The following PDIA6 variants were observed in gnomAD, a reference collection of about 807,000 sequenced individuals.
The protein encoded by PDIA6 is protein disulfide isomerase family A member 6, also known as protein disulfide-isomerase A6.
In PDIA6, 29 loss-of-function variants were observed where a neutral mutation model predicts 58.4. The ratio of observed to expected loss-of-function variants is 0.50; its 90% confidence interval spans 0.37 to 0.68. PDIA6 has a LOEUF of 0.68. Ranked by LOEUF, PDIA6 falls within the 30% of genes least tolerant of loss-of-function variation. PDIA6 has a pLI of 0.00. For missense variants in PDIA6, 480 were observed against 551.0 expected, an observed-to-expected ratio of 0.87 and a Z score of 1.29; for synonymous variants, 192 against 202.6, an observed-to-expected ratio of 0.95 and a Z score of 0.44.
rs933962520 is a variant in PDIA6 at position 10,789,798 on chromosome 2, C to T, written c.791G>A (p.Arg264Gln). The T allele has an allele frequency of 1.2e-5, 19 of 1,613,656 alleles. No homozygotes were observed. The highest frequency in any genetic ancestry group is 5.0e-5 in the Admixed American group (3 of 59,956). ...GTTATCAGAAAACAAATCAAGGGCC[C>T]GGGACACGATGTCGGATCTTGTCCG... is the stretch of plus-strand genomic sequence containing the variant. ...GGRTRSDIVS[R>Q]ALDLFSDNAP... The change falls in exon 8 of 13, where the codon CGG (arginine) becomes CAG (glutamine). Residue 264 changes from arginine to glutamine, a missense_variant. Coordinates refer to ENST00000272227, the MANE Select transcript of PDIA6 (RefSeq NM_005742.4).
intron 1 of PDIA6, 41 bp downstream of exon 1, chr2:10,812,637 G>A (rs769238761): frequency 7.3e-6 from 11 of 1,503,068 alleles, no homozygotes; most frequent in East Asian, 2.9e-5. Flanking sequence ...CTTTCAGGCC[G>A]ACCCCAGCTC....
upstream of PDIA6, among the ~76,000 whole-genome samples, chr2:10,834,724 TTCCTTCCC>T (rs1327392843): frequency 0.05 from 827 of 16,486 alleles, 26 homozygotes; most frequent in Middle Eastern, 0.28. Context: ...CCTCCCTCCC[TTCCTTCCC>T]TCCTTCCTTC....
intron 1 of PDIA6, among the ~76,000 whole-genome samples, chr2:10,831,558 G>A (rs768407703): frequency 9.2e-4 from 140 of 152,164 alleles, no homozygotes; most frequent in Non-Finnish European, 1.7e-3. Context: ...GGGAGGTGTC[G>A]TCAGCTGCTG....
In PDIA6 at chr2:10,787,299, C is replaced by A. The variant is rs546952394; in HGVS notation, c.1139G>T (p.Gly380Val). 1.2e-6 allele frequency: 2 copies of A among 1,613,930 alleles called. No homozygotes were observed. The highest frequency in any genetic ancestry group is 1.1e-5 in the South Asian group (1 of 91,060). ...ALLKGSFSEQ[G>V]INEFLRELSF... ...AAATTACCTGAGAAACTCGTTGATG[C>A]CTTGCTCACTGAAGGAGCCTTTTAG... Residue 380 changes from glycine to valine, a missense_variant, in exon 11 of 13, where the codon GGC becomes GTC. By Grantham distance (109) the Gly-to-Val change is moderately radical. Coordinates refer to ENST00000272227, the MANE Select transcript of PDIA6 (RefSeq NM_005742.4).
chr2:10,814,784 G>T (rs1667142795), upstream of PDIA6, among the ~76,000 whole-genome samples: 1 of 152,158 alleles, frequency 6.6e-6, no homozygotes, highest in Non-Finnish European at 1.5e-5. Flanking sequence ...ACTCACGATC[G>T]AGTTTGTTTT....
intron 1 of PDIA6, among the ~76,000 whole-genome samples, chr2:10,831,604 C>T (rs959838147): frequency 7.2e-5 from 11 of 152,152 alleles, no homozygotes; most frequent in African/African-American, 2.2e-4. Context: ...GATCCAGCTA[C>T]GATGTGCCCC....
At chr2:10,795,526 G>A (rs1334951294) in intron 4 of PDIA6, among the ~76,000 whole-genome samples, 2 of 152,116 alleles carry the variant, frequency 1.3e-5, no homozygotes, top group Non-Finnish European at 2.9e-5. Context: ...CTCCAGCCTC[G>A]AGATTTGCCA....
In PDIA6 at chr2:10,791,828, T is replaced by C; in HGVS notation, c.551A>G (p.Glu184Gly). 1 of 1,614,148 alleles carries C rather than the reference T, an allele frequency of 6.2e-7. No individual in the cohort carries two copies. The highest frequency in any genetic ancestry group is 8.5e-7 in the Non-Finnish European group (1 of 1,180,004). Residue 184 changes from glutamate (E) to glycine (G), a missense_variant, in exon 6 of 13, where the codon GAG becomes GGG. Coordinates refer to ENST00000272227, the MANE Select transcript of PDIA6 (RefSeq NM_005742.4). ...VLDSEDVWMV[E>G]FYAPWCGHCK... ...GTGTCCACACCAAGGAGCATAGAAC[T>C]CAACCATCCAAACATCTTCACTGTC...
At chr2:10,787,495 T>C (rs1665826399) in intron 10 of PDIA6, 56 bp from the exon 11 acceptor site, 3 of 1,480,476 alleles carry the variant, frequency 2.0e-6, no homozygotes, top group African/African-American at 1.4e-5. Flanking sequence ...GCTTACGATC[T>C]AACTAGAAGA....
chr2:10,792,514 A>G (rs1666079977), intron 5 of PDIA6, among the ~76,000 whole-genome samples: 1 of 152,248 alleles, frequency 6.6e-6, no homozygotes, highest in Non-Finnish European at 1.5e-5. Context: ...GAGCCTGTAT[A>G]AAGAAGCTAG....
intron 2 of PDIA6, among the ~76,000 whole-genome samples, chr2:10,798,890 T>C (rs1734351): frequency 0.57 from 86,745 of 152,030 alleles, 24,863 homozygotes; most frequent in Middle Eastern, 0.6. Flanking sequence ...TCTCAATACT[T>C]TCTGGGTCCC....
At chr2:10,802,057 T>A (rs1044741188) in intron 2 of PDIA6, among the ~76,000 whole-genome samples, 1 of 152,256 alleles carries the variant, frequency 6.6e-6, no homozygotes, top group African/African-American at 2.4e-5. Flanking sequence ...ACTAGTGCAA[T>A]GTTGTACTTT....
At chr2:10,836,605 C>T (rs1167811316), upstream of PDIA6, among the ~76,000 whole-genome samples, 4 of 149,688 alleles carry the variant, frequency 2.7e-5, no homozygotes, top group Admixed American at 6.7e-5. Flanking sequence ...TTTAAATTGT[C>T]CAATTTGGTT....
chr2:10,788,870 A>G, intron 9 of PDIA6, 27 bp downstream of exon 9: 2 of 1,589,220 alleles, frequency 1.3e-6, no homozygotes, highest in Non-Finnish European at 1.7e-6. Flanking sequence ...TAGAACAGCT[A>G]AGGGAAATCA....
intron 1 of PDIA6, among the ~76,000 whole-genome samples, chr2:10,806,640 A>C (rs145249289): frequency 2.3e-4 from 21 of 91,452 alleles, no homozygotes; most frequent in Admixed American, 9.0e-4. Context: ...GAAAGAAAGA[A>C]AGAAAGAAAA....
At chr2:10,785,141 TTTC>T in intron 11 of PDIA6, 111 bp from the exon 12 acceptor site, 1 of 725,470 alleles carries the variant, frequency 1.4e-6, no homozygotes, top group South Asian at 1.6e-5. Context: ...TGCAGAGGCA[TTTC>T]TTCTCTCTTG....
At chr2:10,788,181 C>G (rs1330097982) in intron 10 of PDIA6, among the ~76,000 whole-genome samples, 2 of 152,044 alleles carry the variant, frequency 1.3e-5, no homozygotes, top group East Asian at 3.9e-4. Context: ...CCTTTCTCAC[C>G]CAGCCTTCAA....
chr2:10,836,346 C>G (rs191226916), upstream of PDIA6, among the ~76,000 whole-genome samples: 19 of 152,218 alleles, frequency 1.2e-4, no homozygotes, highest in African/African-American at 4.3e-4. Flanking sequence ...GGGCTTTGGG[C>G]TCTGTGGTGT....
intron 5 of PDIA6, among the ~76,000 whole-genome samples, chr2:10,792,382 C>T (rs1558441885): frequency 6.6e-6 from 1 of 152,188 alleles, no homozygotes; most frequent in African/African-American, 2.4e-5. Context: ...AGTACTAAAT[C>T]TAAGAAGCAG....
Sources: gnomAD v4.1 joint callset for allele counts (sites outside exome capture counted in the v4.1 genomes callset) on GRCh38, gnomAD v4.1.1 for gene constraint, MANE v1.5 for transcripts, NCBI Gene and HGNC (gene_info 2026-07-23, HGNC 2026-07-21) for gene names.